The following SV2C variants were observed in gnomAD, a reference collection of about 807,000 sequenced individuals.
SV2C encodes the protein solute carrier family 22 member B3.
Under a neutral mutation model 79.7 loss-of-function variants are expected in SV2C, and 49 were observed. That is an observed-to-expected ratio of 0.61 (90% CI 0.49 to 0.78). The LOEUF (loss-of-function observed/expected upper bound fraction) is 0.78, where lower values mean the gene tolerates loss of function less well. Ranked by LOEUF, SV2C falls within the 30% of genes least tolerant of loss-of-function variation. SV2C has a pLI of 0.00. For synonymous variants in SV2C, 334 were observed against 333.2 expected, an observed-to-expected ratio of 1.00 and a Z score of -0.03; for missense variants, 833 against 912.9, an observed-to-expected ratio of 0.91 and a Z score of 1.13.
intron 4 of SV2C, among the ~76,000 whole-genome samples, chr5:76,266,406 C>G (rs1180344352): frequency 6.6e-6 from 1 of 152,100 alleles, no homozygotes; most frequent in Non-Finnish European, 1.5e-5. Context: ...CAGGGTTTCA[C>G]CATGTTGGCC....
rs557091190 is a variant in SV2C at position 76,097,885 on chromosome 5, A to C, written c.-102+14373A>C. On this transcript the variant is annotated intron_variant, in intron 1 of 12. Coordinates refer to ENST00000502798, the MANE Select transcript of SV2C (RefSeq NM_014979.4). ...TCTCTGGCAGTAGTTGAGAGAGGGT[A>C]GTGTGTGAGCTGGGCCTACCTACAG... 1.4e-4 allele frequency among the ~76,000 whole-genome samples: 21 copies of C among 152,234 alleles called. No individual in the cohort carries two copies. The South Asian group carries it at 3.7e-3, about 27-fold the overall frequency.
At chr5:76,172,288 TG>T (rs1199468988) in intron 2 of SV2C, among the ~76,000 whole-genome samples, 16 of 7,410 alleles carry the variant, frequency 2.2e-3, no homozygotes, top group Admixed American at 8.3e-3. Flanking sequence ...GGGAGGGAGG[TG>T]GGGGGGGGGG....
At chr5:76,310,742 A>G (rs1181183832) in intron 12 of SV2C, among the ~76,000 whole-genome samples, 1 of 152,190 alleles carries the variant, frequency 6.6e-6, no homozygotes, top group East Asian at 1.9e-4. Flanking sequence ...AGGCCTCCAT[A>G]GAAATAACAT....
the SV2C span, among the ~76,000 whole-genome samples, chr5:75,925,718 AT>A: frequency 3.2e-4 from 48 of 150,252 alleles, no homozygotes; most frequent in African/African-American, 9.9e-4. Flanking sequence ...CATTTAAAAA[AT>A]AAATATTTTT....
chr5:75,987,210 C>T, the SV2C span, among the ~76,000 whole-genome samples: 1 of 151,946 alleles, frequency 6.6e-6, no homozygotes, highest in Non-Finnish European at 1.5e-5. Context: ...GAACCAGTAG[C>T]AGGCAAATTT....
chr5:76,137,791 A>C (rs1045844022), intron 2 of SV2C, among the ~76,000 whole-genome samples: 2 of 152,142 alleles, frequency 1.3e-5, no homozygotes, highest in Non-Finnish European at 2.9e-5. Context: ...CATGCCAATT[A>C]GATGTGCTTG....
At chr5:76,288,613 GGCCTCATTGCCCTA>G (rs1446779680) in intron 6 of SV2C, among the ~76,000 whole-genome samples, 9 of 152,056 alleles carry the variant, frequency 5.9e-5, no homozygotes, top group Admixed American at 3.3e-4. Flanking sequence ...GTCTCTATAG[GGCCTCATTGCCCTA>G]CTTACCTGCC....
chr5:75,854,947 C>T, the SV2C span, among the ~76,000 whole-genome samples: 211 of 152,242 alleles, frequency 1.4e-3, no homozygotes, highest in African/African-American at 4.7e-3. Flanking sequence ...GCAAGTTGTT[C>T]CAGAACCATT....
intron 2 of SV2C, among the ~76,000 whole-genome samples, chr5:76,180,460 G>A (rs1287065620): frequency 1.3e-5 from 2 of 152,104 alleles, no homozygotes; most frequent in African/African-American, 4.8e-5. Context: ...TTACATCTGC[G>A]GCTGTGGTTT....
intron 1 of SV2C, among the ~76,000 whole-genome samples, chr5:76,113,090 G>A (rs1055261946): frequency 2.0e-5 from 3 of 152,170 alleles, no homozygotes. Context: ...GTACGTGTTT[G>A]TGTTTTTAAA....
At chr5:76,321,335 A>G (rs1052104140) in intron 12 of SV2C, among the ~76,000 whole-genome samples, 3 of 152,052 alleles carry the variant, frequency 2.0e-5, no homozygotes, top group Non-Finnish European at 4.4e-5. Context: ...ATTGCCCTGT[A>G]TTCGATGTGC....
At chr5:76,081,396 A>C (rs187845087), upstream of SV2C, among the ~76,000 whole-genome samples, 96 of 152,278 alleles carry the variant, frequency 6.3e-4, no homozygotes, top group African/African-American at 2.3e-3. Context: ...TATAAATAAC[A>C]TGCGGGGAAT....
At chr5:75,983,832 A>T in the SV2C span, among the ~76,000 whole-genome samples, 1 of 151,952 alleles carries the variant, frequency 6.6e-6, no homozygotes, top group African/African-American at 2.4e-5. Context: ...AGCAAATGTG[A>T]CCCAAGGAAA....
At chr5:75,923,220 G>A in the SV2C span, among the ~76,000 whole-genome samples, 1 of 152,190 alleles carries the variant, frequency 6.6e-6, no homozygotes, top group Non-Finnish European at 1.5e-5. Context: ...GCCACATGTA[G>A]AAGAATGAAA....
chr5:76,165,481 GT>G (rs1743018829), intron 2 of SV2C, among the ~76,000 whole-genome samples: 1 of 152,058 alleles, frequency 6.6e-6, no homozygotes, highest in Non-Finnish European at 1.5e-5. Flanking sequence ...ACTCCTTCAT[GT>G]TACTCCTTCA....
At chr5:75,902,307 ACACT>A in the SV2C span, among the ~76,000 whole-genome samples, 1 of 152,162 alleles carries the variant, frequency 6.6e-6, no homozygotes. Flanking sequence ...AAGGTGGTAG[ACACT>A]CACACTAACA....
intron 1 of SV2C, among the ~76,000 whole-genome samples, chr5:76,113,976 G>A (rs1561221023): frequency 6.6e-6 from 1 of 152,006 alleles, no homozygotes; most frequent in Non-Finnish European, 1.5e-5. Context: ...TGGCAGCAGA[G>A]ACCTGCCTCG....
the SV2C span, among the ~76,000 whole-genome samples, chr5:75,900,828 A>G: frequency 6.6e-6 from 1 of 151,856 alleles, no homozygotes; most frequent in Non-Finnish European, 1.5e-5. Flanking sequence ...ACTTCATTTC[A>G]TTCATTTCAT....
chr5:75,985,056 G>A, the SV2C span, among the ~76,000 whole-genome samples: 1 of 151,912 alleles, frequency 6.6e-6, no homozygotes, highest in Non-Finnish European at 1.5e-5. Flanking sequence ...TCTGGTGGCT[G>A]GAATGTTCAA....
Sources: gnomAD v4.1 joint callset for allele counts (sites outside exome capture counted in the v4.1 genomes callset) on GRCh38, gnomAD v4.1.1 for gene constraint, MANE v1.5 for transcripts, NCBI Gene and HGNC (gene_info 2026-07-23, HGNC 2026-07-21) for gene names.